The following LRPPRC variants were observed in gnomAD, a reference collection of about 807,000 sequenced individuals.
LRPPRC encodes leucine rich pentatricopeptide repeat containing.
In LRPPRC, 120 loss-of-function variants were observed where a neutral mutation model predicts 180.3. The ratio of observed to expected loss-of-function variants is 0.67; its 90% CI spans 0.57 to 0.77. The LOEUF (loss-of-function observed/expected upper bound fraction) is 0.77, where lower values mean the gene tolerates loss of function less well. LRPPRC is among the 30% of genes least tolerant of loss of function. The probability of loss-of-function intolerance (pLI) is 0.00; values close to 1 mark genes in which losing one functional copy is unlikely to be tolerated. For synonymous variants in LRPPRC, 723 were observed against 600.0 expected (o/e 1.21, Z -3.00); for missense variants, 2,012 against 1,657.2 (o/e 1.21, Z -3.72).
At chr2:43,945,964 C>T (rs1672666147) in intron 21 of LRPPRC, 149 bp downstream of exon 21, 7 of 763,096 alleles carry the variant, frequency 9.2e-6, no homozygotes, top group Middle Eastern at 2.8e-4. Context: ...ATTAAAGAGC[C>T]GTATAATACG....
intron 31 of LRPPRC, chr2:43,903,849 T>G (rs1670972284): frequency 1.3e-5 from 2 of 152,242 alleles, no homozygotes; most frequent in Admixed American, 6.5e-5. Context: ...AAGCTATTTA[T>G]GACAATGAGC....
intron 14 of LRPPRC, 49 bp from the exon 15 acceptor site, chr2:43,950,649 GTA>G: frequency 2.4e-6 from 3 of 1,263,928 alleles, no homozygotes; most frequent in Non-Finnish European, 3.5e-6. Context: ...TTATTTTCAA[GTA>G]TATGCATACT....
Position 43,977,214 on chromosome 2 carries a change from T to C in LRPPRC, c.532A>G (p.Lys178Glu), listed in dbSNP as rs1363486576. The part of the protein sequence containing the change: ...LLKVYLQNEY[K>E]FSPTDFLAKM... The stretch of plus-strand genomic sequence containing the variant: ...GCCAGGAAATCAGTTGGTGAGAATT[T>C]ATATTCATTTTGAAGATAGACTTTA... Residue 178 changes from lysine to glutamate, a missense_variant, in exon 4 of 38, where the codon AAA becomes GAA. Coordinates refer to ENST00000260665, the MANE Select transcript of LRPPRC (RefSeq NM_133259.4). 7 of 1,604,468 alleles carry C rather than the reference T, an allele frequency of 4.4e-6. No individual in the cohort carries two copies. In the African/African-American group the frequency reaches 6.7e-5, roughly 15 times the overall value.
At chr2:43,979,114 T>A (rs1412289590) in intron 3 of LRPPRC, among the ~76,000 whole-genome samples, 1 of 152,046 alleles carries the variant, frequency 6.6e-6, no homozygotes, top group East Asian at 1.9e-4. Context: ...CCATCTTTTT[T>A]CAAATTATTT....
rs1161574324 is a variant in LRPPRC at position 43,889,836 on chromosome 2, T to G, written c.4026A>C (p.Glu1342Asp). The G allele has an allele frequency of 6.2e-7, 1 of 1,609,580 alleles. No homozygotes were observed. ...ATTTTGTATTCTTTGCAGTCAAATG[T>G]TCATACAGTGCTTTAGCAGATGTGA... The part of the protein sequence containing the change: ...KDVTSAKALY[E>D]HLTAKNTKLD... Residue 1342 changes from glutamate to aspartate, a missense_variant, in exon 37 of 38, where the codon GAA becomes GAC. Transcript: ENST00000260665.
intron 23 of LRPPRC, among the ~76,000 whole-genome samples, chr2:43,943,073 T>C (rs1039530528): frequency 6.6e-6 from 1 of 152,082 alleles, no homozygotes; most frequent in Non-Finnish European, 1.5e-5. Context: ...AAAAAGATGA[T>C]AAATTACGCT....
intron 25 of LRPPRC, among the ~76,000 whole-genome samples, chr2:43,933,853 C>T (rs957973066): frequency 6.6e-6 from 1 of 152,150 alleles, no homozygotes; most frequent in Non-Finnish European, 1.5e-5. Flanking sequence ...ACAAAGAATT[C>T]TTTGGCAAAG....
rs774352786 is a variant in LRPPRC at position 43,947,388 on chromosome 2, G to C, written c.1966-18C>G. ...TGCACAGTCTACAGAAAAGAAAAAAGAAAAGAAAAATTTCCTGAAAAAGGA... is the reference window on the plus strand; with the variant it reads ...TGCACAGTCTACAGAAAAGAAAAAACAAAAGAAAAATTTCCTGAAAAAGGA... On this transcript the variant is annotated intron_variant, in intron 19 of 37. Coordinates refer to ENST00000260665, the MANE Select transcript of LRPPRC (RefSeq NM_133259.4). The C allele has an allele frequency of 3.1e-6, 4 of 1,310,286 alleles. No homozygotes were observed. Among genetic ancestry groups the C allele is most frequent in the Non-Finnish European group, 2.2e-6 (2 of 906,742 alleles). 81.2% of individuals were successfully genotyped at this position (1,310,286 alleles called of 1,614,324 possible). A position where few individuals can be genotyped will look rare whatever the true frequency, so the allele number is the denominator to read the frequency against.
At chr2:43,916,649 A>T (rs1304704156) in intron 29 of LRPPRC, among the ~76,000 whole-genome samples, 2 of 152,340 alleles carry the variant, frequency 1.3e-5, no homozygotes, top group Admixed American at 6.5e-5. Flanking sequence ...TCATATGTAC[A>T]GCAAAGTATG....
rs113266925 is a variant in LRPPRC, at chr2:43,898,420, T to G, written c.3825+799A>C. Among the ~76,000 whole-genome samples, 10 of 152,244 alleles carry G rather than the reference T, an allele frequency of 6.6e-5. No homozygotes were observed. In the South Asian group the frequency reaches 2.1e-3, roughly 32 times the overall value. ...TCAGAAATTGGTCCCACGCCTCAAT[T>G]TGACACAGGGAGTCTACACAAACAC... is the stretch of plus-strand genomic sequence containing the variant. On this transcript the variant is annotated intron_variant, in intron 34 of 37. Transcript: ENST00000260665.
chr2:43,949,403 G>A (rs577375272), intron 16 of LRPPRC, among the ~76,000 whole-genome samples, 199 bp downstream of exon 16: 1 of 152,164 alleles, frequency 6.6e-6, no homozygotes, highest in East Asian at 1.9e-4. Flanking sequence ...TCCCAACCCT[G>A]TCTTTAGAAA....
At position 43,888,350 on chromosome 2, in the gene LRPPRC, C is replaced by A; in HGVS notation, c.*250G>T. The A allele has an allele frequency of 2.5e-6, 1 of 392,550 alleles. No individual in the cohort carries two copies. The highest frequency in any genetic ancestry group is 4.7e-6 in the Non-Finnish European group (1 of 212,952). The allele number at this position is 392,550 out of a possible 1,614,324, so 24.3% of individuals were successfully genotyped here. A position where few individuals can be genotyped will look rare whatever the true frequency, so the allele number is the denominator to read the frequency against. On this transcript the variant is annotated 3_prime_UTR_variant, in exon 38 of 38. Coordinates refer to ENST00000260665, the MANE Select transcript of LRPPRC (RefSeq NM_133259.4). Reference sequence around the variant, plus strand: ...CAAAGAGCCAATTAGGGGAAGAATCCTGAAAAAGTATGGCTTCACACAGCA... The same window carrying A: ...CAAAGAGCCAATTAGGGGAAGAATCATGAAAAAGTATGGCTTCACACAGCA...
intron 32 of LRPPRC, among the ~76,000 whole-genome samples, chr2:43,900,921 G>A (rs1670859448): frequency 6.6e-6 from 1 of 152,098 alleles, no homozygotes; most frequent in South Asian, 2.1e-4. Context: ...TATGAATACG[G>A]AAATGCACAT....
At chr2:43,888,902 ATG>A (rs942828213) in intron 37 of LRPPRC, among the ~76,000 whole-genome samples, 16 of 139,914 alleles carry the variant, frequency 1.1e-4, no homozygotes, top group African/African-American at 3.5e-4. Flanking sequence ...ATGTGCAAGC[ATG>A]TGTGTGTGCA....
chr2:43,974,941 C>T (rs757596585), intron 7 of LRPPRC, 150 bp downstream of exon 7: 8 of 948,880 alleles, frequency 8.4e-6, no homozygotes, highest in South Asian at 4.3e-5. Flanking sequence ...CACCGAGATA[C>T]TAAACTATAA....
intron 34 of LRPPRC, among the ~76,000 whole-genome samples, chr2:43,897,456 A>T (rs1433488918): frequency 6.6e-6 from 1 of 152,166 alleles, no homozygotes; most frequent in Non-Finnish European, 1.5e-5. Flanking sequence ...GTCAATACTA[A>T]AACGAATGGT....
intron 36 of LRPPRC, chr2:43,890,387 A>C (rs928701109): frequency 4.3e-6 from 2 of 469,524 alleles, no homozygotes; most frequent in African/African-American, 4.0e-5. Context: ...ACAAATATGG[A>C]AAGTATAGTT....
chr2:43,990,037 G>A (rs1389748590), intron 1 of LRPPRC, among the ~76,000 whole-genome samples: 1 of 151,954 alleles, frequency 6.6e-6, no homozygotes, highest in Non-Finnish European at 1.5e-5. Flanking sequence ...ACATGGCAAT[G>A]GCAAAACCCC....
intron 23 of LRPPRC, among the ~76,000 whole-genome samples, 200 bp from the exon 24 acceptor site, chr2:43,935,078 A>G (rs895100881): frequency 3.3e-5 from 5 of 152,224 alleles, no homozygotes; most frequent in Non-Finnish European, 7.3e-5. Context: ...AACATACATC[A>G]TCAGCAATCC....
Sources: allele counts gnomAD v4.1 joint callset (sites outside exome capture counted in the v4.1 genomes callset), GRCh38; gene constraint gnomAD v4.1.1; transcripts MANE v1.5; gene names NCBI Gene and HGNC (gene_info 2026-07-23, HGNC 2026-07-21).